The following FRYL variants were observed in gnomAD, a reference collection of about 807,000 sequenced individuals.
FRYL encodes FRY like transcription coactivator, also known as protein furry homolog-like.
FRYL carries 150 observed loss-of-function variants against 351.2 expected under a neutral mutation model. The observed-to-expected ratio is 0.43, with a 90% CI of 0.37 to 0.49. FRYL has a LOEUF of 0.49. FRYL is among the 20% of genes least tolerant of loss of function. The probability of loss-of-function intolerance (pLI) is 0.00; values close to 1 mark genes in which losing one functional copy is unlikely to be tolerated. For missense variants in FRYL, 3,036 were observed against 3,619.3 expected (o/e 0.84, Z 4.13); for synonymous variants, 1,153 against 1,257.1 (o/e 0.92, Z 1.75).
At chr4:48,775,334 GCT>G (rs1372358235) in intron 1 of FRYL, among the ~76,000 whole-genome samples, 1 of 152,252 alleles carries the variant, frequency 6.6e-6, no homozygotes, top group Non-Finnish European at 1.5e-5. Flanking sequence ...GCTCAGAGGA[GCT>G]CATAACTTGT....
At chr4:48,679,758 A>G (rs1467443941) in intron 3 of FRYL, among the ~76,000 whole-genome samples, 4 of 152,078 alleles carry the variant, frequency 2.6e-5, no homozygotes, top group Admixed American at 2.6e-4. Context: ...ATCACTATAC[A>G]CTGTAAGTAT....
intron 55 of FRYL, among the ~76,000 whole-genome samples, chr4:48,518,505 C>T (rs34046987): frequency 6.6e-6 from 1 of 152,166 alleles, no homozygotes; most frequent in Non-Finnish European, 1.5e-5. Context: ...TTTCCATTTT[C>T]GACAAAAAAG....
At chr4:48,645,145 T>TATATATATATAC (rs1280449499) in intron 3 of FRYL, among the ~76,000 whole-genome samples, 9 of 136,856 alleles carry the variant, frequency 6.6e-5, no homozygotes, top group African/African-American at 2.3e-4. Context: ...TATATATATA[T>TATATATATATAC]ATATATATAT....
rs1420340417 is a variant in FRYL at position 48,684,757 on chromosome 4, G to GA, written c.-166dup. ...AGTGGTTTCAGGAATTAAGCATTTA[G>GA]ATGTTAACCATCCAAGATACCAATA... On this transcript the variant is annotated 5_prime_UTR_variant, in exon 3 of 64. It removes the in-frame stop codon of an upstream open reading frame in the 5' UTR. Transcript: ENST00000358350. 6.6e-6 allele frequency: 1 copy of GA among 152,062 alleles called. No individual in the cohort carries two copies. The highest frequency in any genetic ancestry group is 1.5e-5 in the Non-Finnish European group (1 of 68,026). 9.4% of individuals were successfully genotyped at this position (152,062 alleles called of 1,614,324 possible).
At position 48,620,691 on chromosome 4, in the gene FRYL, T is replaced by C; in HGVS notation, c.262A>G (p.Thr88Ala). Residue 88 changes from threonine (T) to alanine (A), a missense_variant, in exon 6 of 64, where the codon ACG becomes GCG. Physicochemically the swap from Thr to Ala is moderately conservative, Grantham distance 58. Around this residue, in one of 7 missense-constraint regions of FRYL, gnomAD observed 457 missense variants for 566.6 expected, o/e 0.81. Transcript: ENST00000358350. Reference sequence around the variant, plus strand: ...CTATATTCATAAGATTCATCTTCCGTTCCATTTTGGCGTCTGTACCAGTCA... The same window carrying C: ...CTATATTCATAAGATTCATCTTCCGCTCCATTTTGGCGTCTGTACCAGTCA... ...LFDWYRRQNG[T>A]EDESYEYRPR... The C allele has an allele frequency of 6.2e-7, 1 of 1,613,966 alleles. No individual in the cohort carries two copies. Among genetic ancestry groups the C allele is most frequent in the Non-Finnish European group, 8.5e-7 (1 of 1,179,856 alleles).
At chr4:48,514,767 C>T (rs978717002) in intron 56 of FRYL, among the ~76,000 whole-genome samples, 15 of 152,198 alleles carry the variant, frequency 9.9e-5, no homozygotes, top group Admixed American at 9.2e-4. Flanking sequence ...TGTGGAATAC[C>T]ACTTACTATG....
At chr4:48,705,597 T>A (rs1767253910) in intron 2 of FRYL, among the ~76,000 whole-genome samples, 1 of 150,638 alleles carries the variant, frequency 6.6e-6, no homozygotes, top group South Asian at 2.1e-4. Flanking sequence ...TGAGTACTTA[T>A]ACGGAGAAGA....
chr4:48,613,585 C>T (rs1276509067), intron 7 of FRYL, among the ~76,000 whole-genome samples: 3 of 152,190 alleles, frequency 2.0e-5, no homozygotes, highest in Non-Finnish European at 2.9e-5. Context: ...TCCTACTTTA[C>T]AGATGAGGGA....
intron 1 of FRYL, among the ~76,000 whole-genome samples, chr4:48,718,681 T>C (rs1243938852): frequency 6.6e-6 from 1 of 151,606 alleles, no homozygotes. Context: ...CTGAAAAAGG[T>C]TGCCCAATGT....
At chr4:48,540,983 T>C (rs1673054083) in intron 45 of FRYL, 23 bp from the exon 46 acceptor site, 1 of 1,519,482 alleles carries the variant, frequency 6.6e-7, no homozygotes, top group Non-Finnish European at 8.8e-7. Flanking sequence ...AAAGAATAGA[T>C]GAATGCATAC....
chr4:48,768,171 C>A (rs1232462982), intron 1 of FRYL, among the ~76,000 whole-genome samples: 1 of 152,130 alleles, frequency 6.6e-6, no homozygotes, highest in African/African-American at 2.4e-5. Flanking sequence ...TCATTTGTTC[C>A]CTTCCAGCAT....
intron 1 of FRYL, among the ~76,000 whole-genome samples, chr4:48,723,930 A>T (rs115851077): frequency 0.019 from 2,459 of 130,572 alleles, 36 homozygotes; most frequent in Middle Eastern, 0.023. Context: ...TACAAAAAAA[A>T]AAATAAATAA....
chr4:48,724,588 T>A (rs1316885383), intron 1 of FRYL, among the ~76,000 whole-genome samples: 1 of 152,232 alleles, frequency 6.6e-6, no homozygotes, highest in Admixed American at 6.5e-5. Context: ...GGGGGGGCTG[T>A]CTTGTGGATA....
At chr4:48,579,530 T>A (rs1298928608) in intron 22 of FRYL, among the ~76,000 whole-genome samples, 1 of 152,080 alleles carries the variant, frequency 6.6e-6, no homozygotes, top group Non-Finnish European at 1.5e-5. Context: ...TAAATAAATA[T>A]CCAAATTTCA....
intron 12 of FRYL, among the ~76,000 whole-genome samples, chr4:48,602,941 G>A (rs1190253283): frequency 2.0e-5 from 3 of 152,132 alleles, no homozygotes; most frequent in Non-Finnish European, 4.4e-5. Flanking sequence ...TATAGCCTAG[G>A]TGTGTAGTAG....
At chr4:48,681,090 A>C (rs1578705647) in intron 3 of FRYL, 1 of 1,269,372 alleles carries the variant, frequency 7.9e-7, no homozygotes. Context: ...CATCTCCCGA[A>C]AGAATGGGAG....
At chr4:48,716,077 A>G (rs1291669099) in intron 1 of FRYL, among the ~76,000 whole-genome samples, 1 of 152,148 alleles carries the variant, frequency 6.6e-6, no homozygotes, top group African/African-American at 2.4e-5. Flanking sequence ...GCCATATGTA[A>G]AAAGCAGAAT....
At chr4:48,717,807 C>G (rs1253233602) in intron 1 of FRYL, among the ~76,000 whole-genome samples, 1 of 151,368 alleles carries the variant, frequency 6.6e-6, no homozygotes, top group African/African-American at 2.4e-5. Context: ...TTCCAAAGTA[C>G]TGGGATTTCA....
At chr4:48,690,633 G>A (rs2149557769) in intron 2 of FRYL, among the ~76,000 whole-genome samples, 1 of 152,204 alleles carries the variant, frequency 6.6e-6, no homozygotes, top group African/African-American at 2.4e-5. Context: ...GTCAGAGGAA[G>A]GGAACATGTG....
Sources: gnomAD v4.1 joint callset for allele counts (sites outside exome capture counted in the v4.1 genomes callset) on GRCh38, gnomAD v4.1.1 for gene constraint, gnomAD v4.1.1 regional missense constraint, MANE v1.5 for transcripts, NCBI Gene and HGNC (gene_info 2026-07-23, HGNC 2026-07-21) for gene names.